The following GAD1 variants were observed in gnomAD, a reference collection of about 807,000 sequenced individuals.
The protein encoded by GAD1 is glutamate decarboxylase 1.
A neutral mutation model predicts 75.2 loss-of-function variants in GAD1; 35 were observed. The observed-to-expected ratio is 0.47, with a 90% CI of 0.36 to 0.62. The LOEUF (loss-of-function observed/expected upper bound fraction) is 0.62, where lower values mean the gene tolerates loss of function less well. Ranked by LOEUF, GAD1 falls within the 20% of genes least tolerant of loss-of-function variation. GAD1 has a pLI of 0.00. For synonymous variants in GAD1, 257 were observed against 271.9 expected (o/e 0.95, Z 0.54); for missense variants, 490 against 758.5 (o/e 0.65, Z 4.16).
At chr2:170,817,749 T>G (rs1701747830) in intron 1 of GAD1, 1 of 152,274 alleles carries the variant, frequency 6.6e-6, no homozygotes, top group African/African-American at 2.4e-5. Context: ...CCGCGAGAAA[T>G]CTGGGGTCCT....
chr2:170,825,996 A>C (rs949131715), intron 3 of GAD1, among the ~76,000 whole-genome samples: 2 of 152,188 alleles, frequency 1.3e-5, no homozygotes, highest in Non-Finnish European at 2.9e-5. Context: ...TCCTTGGAGA[A>C]GCAGTTCCTT....
chr2:170,841,027 T>C (rs999746383), intron 6 of GAD1, among the ~76,000 whole-genome samples: 2 of 152,190 alleles, frequency 1.3e-5, no homozygotes, highest in Non-Finnish European at 2.9e-5. Flanking sequence ...AATATAGACA[T>C]GCTCAGAATG....
In GAD1 at chr2:170,860,004, G is replaced by C; in HGVS notation, c.*122G>C. 2 of 932,992 alleles carry C rather than the reference G, an allele frequency of 2.1e-6. No individual in the cohort carries two copies. The highest frequency in any genetic ancestry group is 3.0e-4 in the Middle Eastern group (1 of 3,308). The allele number at this position is 932,992 out of a possible 1,614,324, so 57.8% of individuals were successfully genotyped here. ...TTGAGGGAAAACATAATATCTTGAA[G>C]AATATTGTTAAAACCTTACTTAAAG... On this transcript the variant is annotated 3_prime_UTR_variant, in exon 17 of 17. Transcript: ENST00000358196.
chr2:170,814,306 T>C (rs968633263), upstream of GAD1, among the ~76,000 whole-genome samples: 1 of 152,014 alleles, frequency 6.6e-6, no homozygotes, highest in African/African-American at 2.4e-5. Context: ...GGTTGGCCCA[T>C]AGCTATTGGC....
At chr2:170,817,226 C>G in intron 1 of GAD1, 178 bp downstream of exon 1, 2 of 26,218 alleles carry the variant, frequency 7.6e-5, no homozygotes, top group Admixed American at 2.9e-4. Flanking sequence ...TGCGCAGGGA[C>G]CCCCCCCCCC....
At position 170,861,117 on chromosome 2, in the gene GAD1, A is replaced by T. The variant is rs950032088; in HGVS notation, c.*1235A>T. On this transcript the variant is annotated 3_prime_UTR_variant, in exon 17 of 17. Transcript: ENST00000358196. ...AGAGTATGCAAGAAGAATATAAATAAATAAAAATATTCTCCATGGAGAATT... is the reference window on the plus strand; with the variant it reads ...AGAGTATGCAAGAAGAATATAAATATATAAAAATATTCTCCATGGAGAATT... The T allele has an allele frequency of 6.6e-6, 1 of 152,670 alleles. No homozygotes were observed. Among genetic ancestry groups the T allele is most frequent in the Non-Finnish European group, 1.5e-5 (1 of 68,046 alleles). 9.5% of individuals were successfully genotyped at this position (152,670 alleles called of 1,614,324 possible). A position where few individuals can be genotyped will look rare whatever the true frequency, so the allele number is the denominator to read the frequency against.
intron 15 of GAD1, among the ~76,000 whole-genome samples, chr2:170,857,914 T>C (rs1702886128): frequency 6.6e-6 from 1 of 152,160 alleles, no homozygotes; most frequent in Non-Finnish European, 1.5e-5. Flanking sequence ...TAAAGAAAGA[T>C]AGAATAGGAG....
chr2:170,856,501 T>TTTGTTG, intron 14 of GAD1, among the ~76,000 whole-genome samples: 1 of 152,338 alleles, frequency 6.6e-6, no homozygotes, highest in Non-Finnish European at 1.5e-5. Flanking sequence ...GAACCAGTTA[T>TTTGTTG]TTGTTGTTGT....
rs71008727 is a variant in GAD1 at position 170,855,872 on chromosome 2, C to CAA, written c.1414-1124_1414-1123dup. ...TGGGCAACAGAGTGAGACTCCATCT[C>CAA]AAAAAAAAAAAAAAAAAAAAAAAGC... On this transcript the variant is annotated intron_variant, in intron 14 of 16. Transcript: ENST00000358196. Among the ~76,000 whole-genome samples, 933 of 111,128 alleles carry CAA rather than the reference C, an allele frequency of 8.4e-3. 6 individuals carry two copies. The highest frequency in any genetic ancestry group is 9.5e-3 in the Middle Eastern group (2 of 210). 72.9% of individuals were successfully genotyped at this position (111,128 alleles called of 152,430 possible). A position where few individuals can be genotyped will look rare whatever the true frequency, so the allele number is the denominator to read the frequency against.
At chr2:170,822,504 C>A (rs1043697295) in intron 3 of GAD1, among the ~76,000 whole-genome samples, 2 of 152,266 alleles carry the variant, frequency 1.3e-5, no homozygotes, top group Admixed American at 6.5e-5. Context: ...GCCGTGCACT[C>A]TGCCTGCGCG....
At chr2:170,820,418 G>A (rs1373287989) in intron 2 of GAD1, among the ~76,000 whole-genome samples, 1 of 152,244 alleles carries the variant, frequency 6.6e-6, no homozygotes, top group Non-Finnish European at 1.5e-5. Context: ...ACTGTTGCGG[G>A]CCCTTAGCCT....
Position 170,846,037 on chromosome 2 carries a change from G to C in GAD1, c.976G>C (p.Ala326Pro). Residue 326 changes from alanine to proline, a missense_variant, in exon 10 of 17, where the codon GCA becomes CCA. Around this residue, in one of 3 missense-constraint regions of GAD1, gnomAD observed 324 missense variants for 523.9 expected, o/e 0.62. Transcript: ENST00000358196. The stretch of plus-strand genomic sequence containing the variant: ...GAAAATAATTCCAGCTGATTTTGAG[G>C]CAAAAATTCTTGAAGCCAAACAGAA... ...RGKIIPADFE[A>P]KILEAKQKGY... 1 of 1,613,632 alleles carries C rather than the reference G, an allele frequency of 6.2e-7. No individual in the cohort carries two copies. The highest frequency in any genetic ancestry group is 8.5e-7 in the Non-Finnish European group (1 of 1,179,720).
At chr2:170,835,487 A>G (rs1220505786) in intron 5 of GAD1, among the ~76,000 whole-genome samples, 1 of 152,256 alleles carries the variant, frequency 6.6e-6, no homozygotes, top group Non-Finnish European at 1.5e-5. Context: ...CTTAATAGAA[A>G]TTCTGATAGA....
At chr2:170,813,314 A>C (rs903328971), upstream of GAD1, 5 of 152,248 alleles carry the variant, frequency 3.3e-5, no homozygotes, top group Non-Finnish European at 7.3e-5. Context: ...TCAGGGAACT[A>C]TCTTTAAAGT....
At chr2:170,823,054 G>A (rs1257758271) in intron 3 of GAD1, among the ~76,000 whole-genome samples, 2 of 152,250 alleles carry the variant, frequency 1.3e-5, no homozygotes, top group East Asian at 1.9e-4. Flanking sequence ...TGAACAATGA[G>A]GCCTCACTTT....
chr2:170,852,559 C>T (rs1702766121), intron 12 of GAD1, 155 bp from the exon 13 acceptor site: 3 of 702,320 alleles, frequency 4.3e-6, no homozygotes. Flanking sequence ...CCGAGACTGC[C>T]TGCAAAACAT....
intron 5 of GAD1, among the ~76,000 whole-genome samples, chr2:170,831,594 ATGTGTGTGTGTGTG>A (rs370649454): frequency 1.4e-4 from 17 of 122,804 alleles, no homozygotes; most frequent in African/African-American, 2.2e-4. Context: ...GTCTCTACAT[ATGTGTGTGTGTGTG>A]TGTGTGTGTG....
At chr2:170,854,657 G>A (rs1032999411) in intron 14 of GAD1, among the ~76,000 whole-genome samples, 5 of 152,080 alleles carry the variant, frequency 3.3e-5, no homozygotes, top group African/African-American at 9.7e-5. Flanking sequence ...CGCCCACCTC[G>A]GCCTCCCAAA....
At chr2:170,833,781 G>A (rs144119965) in intron 5 of GAD1, among the ~76,000 whole-genome samples, 3,253 of 152,172 alleles carry the variant, frequency 0.021, 129 homozygotes, top group Admixed American at 0.1. Flanking sequence ...AGGCTGGCAG[G>A]TGGATCACGC....
Sources: gnomAD v4.1 joint callset for allele counts (sites outside exome capture counted in the v4.1 genomes callset) on GRCh38, gnomAD v4.1.1 for gene constraint, gnomAD v4.1.1 regional missense constraint, MANE v1.5 for transcripts, NCBI Gene and HGNC (gene_info 2026-07-23, HGNC 2026-07-21) for gene names.